ATP2C2: variants seen among roughly 807,000 people sequenced by gnomAD.
ATP2C2 encodes calcium-transporting ATPase type 2C member 2.
Under a neutral mutation model 110.8 loss-of-function variants are expected in ATP2C2, and 171 were observed. The observed-to-expected ratio is 1.54, with a 90% confidence interval of 1.36 to 1.75. The LOEUF is 1.75. Ranked by LOEUF, ATP2C2 falls within the 40% of genes most tolerant of loss-of-function variation. The probability of loss-of-function intolerance (pLI) is 0.00; values close to 1 mark genes in which losing one functional copy is unlikely to be tolerated. For missense variants in ATP2C2, 1,963 were observed against 1,235.0 expected, an observed-to-expected ratio of 1.59 and a Z score of -8.84; for synonymous variants, 804 against 508.4, an observed-to-expected ratio of 1.58 and a Z score of -7.82.
chr16:84,434,101 T>A (rs1398212650), intron 11 of ATP2C2, among the ~76,000 whole-genome samples: 1 of 152,180 alleles, frequency 6.6e-6, no homozygotes, highest in African/African-American at 2.4e-5. Flanking sequence ...ATCATTTTTT[T>A]AAAACTTTAA....
intron 10 of ATP2C2, among the ~76,000 whole-genome samples, chr16:84,425,201 A>G (rs868014891): frequency 5.3e-5 from 8 of 152,140 alleles, no homozygotes; most frequent in Non-Finnish European, 2.9e-5. Context: ...TGGCAACACC[A>G]CCCACCTTCC....
At chr16:84,431,565 G>A (rs1908281396) in intron 11 of ATP2C2, among the ~76,000 whole-genome samples, 1 of 152,036 alleles carries the variant, frequency 6.6e-6, no homozygotes, top group South Asian at 2.1e-4. Context: ...TGGGTAGAGA[G>A]TTGAGGAGTC....
chr16:84,434,223 C>T (rs11648568), intron 11 of ATP2C2, among the ~76,000 whole-genome samples: 32,232 of 151,714 alleles, frequency 0.21, 3,777 homozygotes, highest in South Asian at 0.27. Context: ...AGAGATCATC[C>T]CGGCCCACAT....
In ATP2C2 at chr16:84,463,707, T is replaced by A. The variant is rs1911632977; in HGVS notation, c.2816T>A (p.Val939Asp). 6.2e-7 allele frequency: 1 copy of A among 1,613,710 alleles called. No homozygotes were observed. ...CEKYCCSPKR[V>D]QMHPEDV ...AAATACTGTTGCAGCCCCAAGAGAG[T>A]CCAGATGCACCCTGAAGATGTGTAG... Residue 939 changes from valine (V) to aspartate (D), a missense_variant, in exon 27 of 27, where the codon GTC becomes GAC. Val to Asp is a radical substitution (Grantham distance 152). Transcript: ENST00000262429.
chr16:84,375,526 G>C (rs1461720522), intron 1 of ATP2C2, among the ~76,000 whole-genome samples: 1 of 137,690 alleles, frequency 7.3e-6, no homozygotes, highest in Non-Finnish European at 1.5e-5. Flanking sequence ...GGGTGACAGA[G>C]CAAGACTCTG....
intron 2 of ATP2C2, among the ~76,000 whole-genome samples, chr16:84,402,435 G>A (rs1031170412): frequency 1.1e-4 from 16 of 152,154 alleles, no homozygotes; most frequent in African/African-American, 3.6e-4. Flanking sequence ...CACTAGCCCT[G>A]GGTCTGTCAT....
At chr16:84,462,320 C>G (rs1378018049) in intron 26 of ATP2C2, 191 bp downstream of exon 26, 5 of 711,200 alleles carry the variant, frequency 7.0e-6, no homozygotes, top group African/African-American at 1.8e-5. Context: ...GACGGATGCA[C>G]AGAAACCCCT....
At chr16:84,451,866 A>C (rs1329245246) in intron 17 of ATP2C2, 55 bp from the exon 18 acceptor site, 1 of 1,533,498 alleles carries the variant, frequency 6.5e-7, no homozygotes, top group African/African-American at 1.4e-5. Context: ...CAACAACAAA[A>C]AACGACGGCC....
In ATP2C2 at chr16:84,453,221, G is replaced by A. The variant is rs761102491; in HGVS notation, c.1915G>A (p.Asp639Asn). 9.9e-5 allele frequency: 159 copies of A among 1,613,816 alleles called. 1 individual carries two copies. Among genetic ancestry groups the A allele is most frequent in the Non-Finnish European group, 1.2e-4 (146 of 1,179,830 alleles). Residue 639 changes from aspartate (D) to asparagine (N), a missense_variant, in exon 19 of 27, where the codon GAC becomes AAC. By Grantham distance (23) the Asp-to-Asn change is conservative. Transcript: ENST00000262429. ...VDSVEKGELADRVGKVSVFFR... is the reference protein window; with the variant it reads ...VDSVEKGELANRVGKVSVFFR... The stretch of plus-strand genomic sequence containing the variant: ...CAGCGTGGAGAAGGGCGAGCTGGCC[G>A]ACCGCGTGGGGAAGGTGGGTCCCCG...
At chr16:84,416,106 G>A (rs1292508138) in intron 7 of ATP2C2, among the ~76,000 whole-genome samples, 1 of 152,180 alleles carries the variant, frequency 6.6e-6, no homozygotes, top group Non-Finnish European at 1.5e-5. Flanking sequence ...CCCGGGAGGC[G>A]GAGGTTGCAG....
rs762036247 is a variant in ATP2C2, at chr16:84,459,383, A to T, written c.2330A>T (p.Gln777Leu). 1 of 1,613,926 alleles carries T rather than the reference A, an allele frequency of 6.2e-7. No individual in the cohort carries two copies. The highest frequency in any genetic ancestry group is 8.5e-7 in the Non-Finnish European group (1 of 1,179,818). ...ATCATCATGGATGGGCCACCGGCGCAGAGGTGAGGCAGGGCCGGCTGGGAG... is the reference window on the plus strand; with the variant it reads ...ATCATCATGGATGGGCCACCGGCGCTGAGGTGAGGCAGGGCCGGCTGGGAG... ...INIIMDGPPA[Q>L]SLGVEPVDKD... The change falls in exon 23 of 27, where the codon CAG (glutamine) becomes CTG (leucine). Residue 777 changes from glutamine to leucine, a missense_variant. Physicochemically the swap from Gln to Leu is moderately radical, Grantham distance 113. Transcript: ENST00000262429.
chr16:84,409,576 C>G (rs1460107487), intron 4 of ATP2C2, among the ~76,000 whole-genome samples: 3 of 152,120 alleles, frequency 2.0e-5, no homozygotes, highest in Admixed American at 6.5e-5. Flanking sequence ...GTGCCGTGAT[C>G]TCAGCTCAGT....
intron 1 of ATP2C2, among the ~76,000 whole-genome samples, chr16:84,385,158 C>T (rs890107918): frequency 1.3e-5 from 2 of 152,178 alleles, no homozygotes; most frequent in Admixed American, 6.5e-5. Flanking sequence ...ACAGTGGCTT[C>T]TTCTGGGAAG....
At chr16:84,452,796 G>A (rs966018391) in intron 18 of ATP2C2, among the ~76,000 whole-genome samples, 1 of 152,138 alleles carries the variant, frequency 6.6e-6, no homozygotes, top group African/African-American at 2.4e-5. Context: ...ACTGCGCCCA[G>A]CCCCTCTAGT....
intron 16 of ATP2C2, among the ~76,000 whole-genome samples, chr16:84,447,779 TATA>T (rs1006298042): frequency 2.8e-5 from 4 of 142,932 alleles, no homozygotes; most frequent in Non-Finnish European, 4.5e-5. Flanking sequence ...TATAATGTAA[TATA>T]ATACATATAA....
At chr16:84,458,950 C>A (rs763439832) in intron 21 of ATP2C2, among the ~76,000 whole-genome samples, 170 bp from the exon 22 acceptor site, 2 of 152,250 alleles carry the variant, frequency 1.3e-5, no homozygotes, top group Middle Eastern at 3.4e-3. Context: ...TGTTAGAACA[C>A]CACCGTCTCC....
chr16:84,458,505 A>G (rs1378866181), intron 21 of ATP2C2, among the ~76,000 whole-genome samples: 1 of 13,442 alleles, frequency 7.4e-5, no homozygotes, highest in Non-Finnish European at 1.8e-4. Context: ...TAAAAAAAAA[A>G]AAATTTAAAT....
At chr16:84,413,290 G>C (rs1597791594) in intron 6 of ATP2C2, among the ~76,000 whole-genome samples, 1 of 152,150 alleles carries the variant, frequency 6.6e-6, no homozygotes, top group East Asian at 1.9e-4. Flanking sequence ...CATGGGGCTA[G>C]GGTAGAAAGC....
intron 13 of ATP2C2, 104 bp downstream of exon 13, chr16:84,439,628 T>C: frequency 9.0e-7 from 1 of 1,111,560 alleles, no homozygotes; most frequent in East Asian, 2.4e-5. Context: ...AAGGAAGAAA[T>C]AAATTGGGGT....
Sources: gnomAD v4.1 joint callset for allele counts (sites outside exome capture counted in the v4.1 genomes callset) on GRCh38, gnomAD v4.1.1 for gene constraint, MANE v1.5 for transcripts, NCBI Gene and HGNC (gene_info 2026-07-23, HGNC 2026-07-21) for gene names.